Variants in FSIP2 observed in about 807,000 individuals in gnomAD.
The protein encoded by FSIP2 is fibrous sheath interacting protein 2, also known as fibrous sheath-interacting protein 2.
A neutral mutation model predicts 510.5 loss-of-function variants in FSIP2; 367 were observed. The ratio of observed to expected loss-of-function variants is 0.72; its 90% CI spans 0.66 to 0.78. FSIP2 has a LOEUF of 0.78. Ranked by LOEUF, FSIP2 falls within the 30% of genes least tolerant of loss-of-function variation. FSIP2 has a pLI of 0.00. For synonymous variants in FSIP2, 2,601 were observed against 2,732.2 expected, an observed-to-expected ratio of 0.95 and a Z score of 1.50; for missense variants, 7,594 against 7,901.7, an observed-to-expected ratio of 0.96 and a Z score of 1.48.
intron 14 of FSIP2, 42 bp from the exon 15 acceptor site, chr2:185,786,210 T>G: frequency 7.6e-7 from 1 of 1,320,852 alleles, no homozygotes; most frequent in Non-Finnish European, 1.0e-6. Flanking sequence ...TTATAAATTT[T>G]TGACTCTATG....
chr2:185,821,183 C>A (rs1368386626), intron 19 of FSIP2, among the ~76,000 whole-genome samples: 1 of 151,654 alleles, frequency 6.6e-6, no homozygotes, highest in Non-Finnish European at 1.5e-5. Flanking sequence ...TGTATGTCAA[C>A]AAATTGGATA....
intron 13 of FSIP2, among the ~76,000 whole-genome samples, chr2:185,767,406 C>T (rs1326988898): frequency 2.0e-5 from 3 of 152,148 alleles, no homozygotes; most frequent in Non-Finnish European, 4.4e-5. Flanking sequence ...TACAGTCACA[C>T]TGTTGTACAT....
intron 9 of FSIP2, among the ~76,000 whole-genome samples, chr2:185,760,543 T>A: frequency 6.7e-6 from 1 of 148,416 alleles, no homozygotes; most frequent in East Asian, 1.9e-4. Context: ...TAAATAAATA[T>A]TTATTTATAA....
chr2:185,788,870 A>T lies in FSIP2; in HGVS notation c.1734A>T (p.Thr578=). The T allele has an allele frequency of 6.5e-7, 1 of 1,534,970 alleles. No individual in the cohort carries two copies. The highest frequency in any genetic ancestry group is 8.7e-7 in the Non-Finnish European group (1 of 1,146,008). ...GCTACACATCTGCAACAACTAAAAC[A>T]TTTCAGGCAGAACCCTGTGCATTTG... is the stretch of plus-strand genomic sequence containing the variant. ...YRSYTSATTK[T]FQAEPCAFVV... is the part of the protein sequence containing the mutation. Residue 578 remains threonine (T), a synonymous_variant, in exon 16 of 23, where the codon ACA becomes ACT. Coordinates refer to ENST00000424728, the MANE Select transcript of FSIP2 (RefSeq NM_173651.4).
rs1352302869 is a variant in FSIP2, at chr2:185,782,623, T to C, written c.1412-82T>C. On this transcript the variant is annotated intron_variant, in intron 13 of 22. Transcript: ENST00000424728. ...TAAACGAGGCAGTGATAACAGAAAA[T>C]AAATACCTACTGGAGGATTACCATT... 3 of 828,172 alleles carry C rather than the reference T, an allele frequency of 3.6e-6. No individual in the cohort carries two copies. In the African/African-American group the frequency reaches 5.1e-5, roughly 14 times the overall value. 51.3% of individuals were successfully genotyped at this position (828,172 alleles called of 1,614,324 possible).
chr2:185,763,246 T>G lies in FSIP2; in HGVS notation c.1304T>G (p.Phe435Cys). 5.3e-6 allele frequency: 8 copies of G among 1,522,016 alleles called. No individual in the cohort carries two copies. The highest frequency in any genetic ancestry group is 7.1e-6 in the Non-Finnish European group (8 of 1,134,684). The allele number at this position is 1,522,016 out of a possible 1,614,324, so 94.3% of individuals were successfully genotyped here. ...GCGCAGGTATCACCCACGAGAAATT[T>G]TTCCAGAGTTTCACAGGCATTTTTG... Reference protein sequence around the residue: ...ISAQVSPTRNFSRVSQAFLDP... With the variant: ...ISAQVSPTRNCSRVSQAFLDP... The change falls in exon 12 of 23, where the codon TTT becomes TGT. Residue 435 changes from phenylalanine to cysteine, a missense_variant. Transcript: ENST00000424728.
chr2:185,782,639 G>T (rs2105596450), intron 13 of FSIP2, 66 bp from the exon 14 acceptor site: 1 of 903,692 alleles, frequency 1.1e-6, no homozygotes, highest in South Asian at 1.4e-5. Context: ...CCTACTGGAG[G>T]ATTACCATTT....
Position 185,796,790 on chromosome 2 carries a change from T to A in FSIP2, c.9654T>A (p.Val3218=). 1 of 1,535,116 alleles carries A rather than the reference T, an allele frequency of 6.5e-7. No individual in the cohort carries two copies. Among genetic ancestry groups the A allele is most frequent in the Non-Finnish European group, 8.7e-7 (1 of 1,146,274 alleles). The change falls in exon 16 of 23, where the codon GTT becomes GTA. Residue 3218 remains valine, a synonymous_variant. Coordinates refer to ENST00000424728, the MANE Select transcript of FSIP2 (RefSeq NM_173651.4). ...TSVRSSVEDT[V]KNSEPTKRPD... is the part of the protein sequence containing the mutation. ...TCAGATCCTCTGTAGAAGACACAGT[T>A]AAAAACTCAGAGCCAACGAAAAGGC...
chr2:185,823,969 G>A (rs577192280), intron 19 of FSIP2, among the ~76,000 whole-genome samples: 1 of 151,816 alleles, frequency 6.6e-6, no homozygotes, highest in African/African-American at 2.4e-5. Flanking sequence ...TTGCTAATTG[G>A]TATACGTCAG....
At chr2:185,737,208 C>T (rs932209151), upstream of FSIP2, among the ~76,000 whole-genome samples, 1 of 152,152 alleles carries the variant, frequency 6.6e-6, no homozygotes, top group Non-Finnish European at 1.5e-5. Flanking sequence ...GATTACTAAC[C>T]TCCATCACTG....
intron 14 of FSIP2, 43 bp from the exon 15 acceptor site, chr2:185,786,209 T>G: frequency 8.4e-6 from 11 of 1,313,668 alleles, no homozygotes; most frequent in East Asian, 2.5e-5. Context: ...TTTATAAATT[T>G]TTGACTCTAT....
intron 19 of FSIP2, among the ~76,000 whole-genome samples, chr2:185,823,572 A>G (rs1693963874): frequency 6.6e-6 from 1 of 151,794 alleles, no homozygotes; most frequent in Middle Eastern, 3.4e-3. Context: ...GAGGGAAAAA[A>G]GAAGTAAAGA....
In FSIP2 at chr2:185,800,511, T is replaced by C. The variant is rs1324865021; in HGVS notation, c.11205T>C (p.Pro3735=). The C allele has an allele frequency of 5.9e-6, 9 of 1,532,812 alleles. No homozygotes were observed. Among genetic ancestry groups the C allele is most frequent in the Non-Finnish European group, 7.0e-6 (8 of 1,145,306 alleles). The allele number at this position is 1,532,812 out of a possible 1,614,324, so 95.0% of individuals were successfully genotyped here. ...TCTACTCCTCGAATAATGAGCAACCTAATAGCATACTTACCAATAACCTAC... is the reference window on the plus strand; with the variant it reads ...TCTACTCCTCGAATAATGAGCAACCCAATAGCATACTTACCAATAACCTAC... ...TYFYSSNNEQ[P]NSILTNNLQL... is the part of the protein sequence containing the mutation. The change falls in exon 17 of 23, where the codon CCT becomes CCC. Residue 3735 remains proline (P), a synonymous_variant. Transcript: ENST00000424728.
At chr2:185,831,669 T>G (rs965602575) in intron 21 of FSIP2, 144 bp from the exon 22 acceptor site, 4 of 608,210 alleles carry the variant, frequency 6.6e-6, no homozygotes, top group Non-Finnish European at 1.2e-5. Context: ...AACAATTCTT[T>G]GAGACTGCAG....
Position 185,790,733 on chromosome 2 carries a change from G to A in FSIP2, c.3597G>A (p.Gln1199=). 6.5e-7 allele frequency: 1 copy of A among 1,533,640 alleles called. No homozygotes were observed. Among genetic ancestry groups the A allele is most frequent in the Non-Finnish European group, 8.7e-7 (1 of 1,145,238 alleles). ...GTTCCATTTCATCATCAGTTCATCAGATTTCCTTACATAATTCTGACACTG... is the reference window on the plus strand; with the variant it reads ...GTTCCATTTCATCATCAGTTCATCAAATTTCCTTACATAATTCTGACACTG... The part of the protein sequence containing the change: ...TKSSISSSVH[Q]ISLHNSDTEH... The change falls in exon 16 of 23, where the codon CAG becomes CAA. Residue 1199 remains glutamine, a synonymous_variant. Transcript: ENST00000424728.
chr2:185,794,560 C>CA lies in FSIP2; in HGVS notation c.7430dup (p.Asn2477LysfsTer6). ...GAAATATTTATGAGAAATGGAGAAT[C>CA]AAAAAACAAAGAAAAAGGTGAACTG... On this transcript the variant is annotated frameshift_variant, in exon 16 of 23. Transcript: ENST00000424728. LOFTEE classifies it high-confidence loss of function. The CA allele has an allele frequency of 6.5e-7, 1 of 1,529,732 alleles. No individual in the cohort carries two copies. Among genetic ancestry groups the CA allele is most frequent in the Non-Finnish European group, 8.7e-7 (1 of 1,144,280 alleles). 94.8% of individuals were successfully genotyped at this position (1,529,732 alleles called of 1,614,324 possible).
At chr2:185,822,246 G>A (rs577990323) in intron 19 of FSIP2, among the ~76,000 whole-genome samples, 27 of 152,020 alleles carry the variant, frequency 1.8e-4, no homozygotes, top group South Asian at 1.2e-3. Flanking sequence ...GAAAAAGGGG[G>A]AAAGGCATTC....
Position 185,806,878 on chromosome 2 carries a change from G to A in FSIP2, c.17572G>A (p.Gly5858Ser). 3 of 1,608,728 alleles carry A rather than the reference G, an allele frequency of 1.9e-6. No homozygotes were observed. The highest frequency in any genetic ancestry group is 2.5e-6 in the Non-Finnish European group (3 of 1,177,924). The part of the protein sequence containing the change: ...RPDKGNQFPG[G>S]KVSSVPKVPP... ...AGATAAGGGAAATCAGTTCCCTGGG[G>A]GTAAAGTGTCTTCAGTTCCTAAAGT... Residue 5858 changes from glycine (G) to serine (S), a missense_variant, in exon 17 of 23, where the codon GGT (glycine) becomes AGT (serine). Coordinates refer to ENST00000424728, the MANE Select transcript of FSIP2 (RefSeq NM_173651.4).
rs573503767 is a variant in FSIP2 at position 185,807,309 on chromosome 2, A to G, written c.18003A>G (p.Ser6001=). ...AQTASKECQT[S]SPYTIILPHK... ...CAGCCAGCAAAGAATGTCAAACTTC[A>G]TCACCATATACAATAATATTACCTC... The change falls in exon 17 of 23, where the codon TCA becomes TCG. Residue 6001 remains serine (S), a synonymous_variant. Coordinates refer to ENST00000424728, the MANE Select transcript of FSIP2 (RefSeq NM_173651.4). 3.1e-6 allele frequency: 5 copies of G among 1,612,788 alleles called. No individual in the cohort carries two copies. The highest frequency in any genetic ancestry group is 1.7e-4 in the Middle Eastern group (1 of 6,052).
Sources: gnomAD v4.1 joint callset for allele counts (sites outside exome capture counted in the v4.1 genomes callset) on GRCh38, gnomAD v4.1.1 for gene constraint, MANE v1.5 for transcripts, NCBI Gene and HGNC (gene_info 2026-07-23, HGNC 2026-07-21) for gene names.